Variants in BFSP1 observed in about 807,000 individuals in gnomAD.
The protein encoded by BFSP1 is filensin.
A neutral mutation model predicts 43.9 loss-of-function variants in BFSP1; 38 were observed. That is an observed-to-expected ratio of 0.87 (90% CI 0.67 to 1.14). BFSP1 has a LOEUF of 1.14. Among genes scored for constraint, BFSP1 ranks in the 50% most tolerant of loss-of-function variants. The probability of loss-of-function intolerance (pLI) is 0.00; values close to 1 mark genes in which losing one functional copy is unlikely to be tolerated. For synonymous variants in BFSP1, 352 were observed against 354.8 expected (o/e 0.99, Z 0.09); for missense variants, 850 against 875.1 (o/e 0.97, Z 0.36).
chr20:17,551,189 G>C (rs1227235803), intron 1 of BFSP1, among the ~76,000 whole-genome samples: 1 of 152,176 alleles, frequency 6.6e-6, no homozygotes, highest in Non-Finnish European at 1.5e-5. Flanking sequence ...GTTGGCTCAC[G>C]GTTCTGCAGG....
rs1166089698 is a variant in BFSP1 at position 17,498,976 on chromosome 20, T to C, written c.800A>G (p.Tyr267Cys). ...HECYDDEIQL[Y>C]NEQIETLRKE... ...GCGCAGTGTCTCAATCTGCTCGTTA[T>C]AAAGCTGAATCTCATCGTCATAACA... Residue 267 changes from tyrosine (Y) to cysteine (C), a missense_variant, in exon 6 of 8, where the codon TAT becomes TGT. Coordinates refer to ENST00000377873, the MANE Select transcript of BFSP1 (RefSeq NM_001195.5). The C allele has an allele frequency of 6.2e-7, 1 of 1,614,220 alleles. No homozygotes were observed. The highest frequency in any genetic ancestry group is 1.1e-5 in the South Asian group (1 of 91,086).
intron 1 of BFSP1, among the ~76,000 whole-genome samples, chr20:17,548,247 G>A (rs2034840739): frequency 2.0e-5 from 3 of 150,388 alleles, no homozygotes; most frequent in Admixed American, 2.0e-4. Context: ...AATAGCATGT[G>A]TATGATAATG....
At chr20:17,510,295 A>G (rs1568689701) in intron 4 of BFSP1, among the ~76,000 whole-genome samples, 1 of 152,228 alleles carries the variant, frequency 6.6e-6, no homozygotes, top group Non-Finnish European at 1.5e-5. Flanking sequence ...CTTATGACTT[A>G]GAAGGGTCTT....
intron 1 of BFSP1, among the ~76,000 whole-genome samples, chr20:17,542,842 C>G (rs776624126): frequency 1.3e-5 from 2 of 152,132 alleles, no homozygotes; most frequent in Non-Finnish European, 2.9e-5. Context: ...CTAGTTGGCT[C>G]AAGATGTTTC....
chr20:17,497,607 CGT>C (rs1287574411), intron 6 of BFSP1, among the ~76,000 whole-genome samples: 35 of 107,930 alleles, frequency 3.2e-4, no homozygotes, highest in African/African-American at 5.0e-4. Flanking sequence ...TATATATATA[CGT>C]ATATATACAT....
upstream of BFSP1, among the ~76,000 whole-genome samples, chr20:17,559,385 G>A (rs2035046078): frequency 6.6e-6 from 1 of 152,158 alleles, no homozygotes; most frequent in Admixed American, 6.5e-5. Flanking sequence ...ACTGTGCCAG[G>A]CACTCAGTAT....
intron 1 of BFSP1, among the ~76,000 whole-genome samples, chr20:17,528,104 T>C (rs1244889859): frequency 6.6e-6 from 1 of 152,180 alleles, no homozygotes; most frequent in Non-Finnish European, 1.5e-5. Flanking sequence ...AACTCACCTC[T>C]GGAATGTAAA....
chr20:17,561,184 C>A (rs1159949227), upstream of BFSP1, among the ~76,000 whole-genome samples: 4 of 152,160 alleles, frequency 2.6e-5, no homozygotes, highest in African/African-American at 9.7e-5. Flanking sequence ...GTACAACAAC[C>A]GGATCAGAAG....
chr20:17,494,670 C>T lies in BFSP1; in HGVS notation c.1402G>A (p.Glu468Lys). 1 of 1,614,186 alleles carries T rather than the reference C, an allele frequency of 6.2e-7. No homozygotes were observed. The highest frequency in any genetic ancestry group is 8.5e-7 in the Non-Finnish European group (1 of 1,180,030). ...PETPTELYTK[E>K]RHVLVTGDAN... ...TCCCCTGTGACCAGCACGTGCCGCT[C>T]TTTGGTGTAGAGCTCAGTGGGGGTC... Residue 468 changes from glutamate (E) to lysine (K), a missense_variant, in exon 8 of 8, where the codon GAG becomes AAG. Transcript: ENST00000377873.
At chr20:17,553,776 C>CATATATATATATAT (rs1204969085) in intron 1 of BFSP1, among the ~76,000 whole-genome samples, 43 of 106,166 alleles carry the variant, frequency 4.1e-4, no homozygotes, top group African/African-American at 1.0e-3. Context: ...AATATATAAA[C>CATATATATATATAT]ATATATATAT....
intron 1 of BFSP1, among the ~76,000 whole-genome samples, chr20:17,566,685 C>T (rs539226796): frequency 6.6e-5 from 10 of 152,026 alleles, no homozygotes; most frequent in South Asian, 2.1e-4. Context: ...GACACAGTCT[C>T]GCTCTGTTGC....
intron 2 of BFSP1, among the ~76,000 whole-genome samples, chr20:17,515,671 C>T (rs951840157): frequency 1.3e-5 from 2 of 152,116 alleles, no homozygotes; most frequent in African/African-American, 4.8e-5. Context: ...CCAGAAGTGA[C>T]TTATATACTT....
intron 1 of BFSP1, among the ~76,000 whole-genome samples, chr20:17,537,430 C>G (rs947561077): frequency 4.6e-5 from 7 of 152,124 alleles, no homozygotes; most frequent in African/African-American, 1.2e-4. Context: ...AAGCAAGGCT[C>G]TCTCTCCAAC....
chr20:17,522,410 G>A (rs561551511), intron 2 of BFSP1, among the ~76,000 whole-genome samples: 112 of 152,282 alleles, frequency 7.4e-4, no homozygotes, highest in African/African-American at 1.3e-3. Flanking sequence ...CCTCCCCAGC[G>A]TCCTGCATCT....
rs1252204977 is a variant in BFSP1 at position 17,525,113 on chromosome 20, G to A, written c.378-205C>T. Among the ~76,000 whole-genome samples the A allele has an allele frequency of 6.6e-6, 1 of 152,070 alleles. No homozygotes were observed. Among genetic ancestry groups the A allele is most frequent in the Non-Finnish European group, 1.5e-5 (1 of 68,006 alleles). ...AAGTGGTACCATTTGCACACCGCGTGGGGTAACCAGGGGCAGTTAGCGGAA... is the reference window on the plus strand; with the variant it reads ...AAGTGGTACCATTTGCACACCGCGTAGGGTAACCAGGGGCAGTTAGCGGAA... On this transcript the variant is annotated intron_variant, in intron 1 of 7. Transcript: ENST00000377873. This position sits in a 1 kb window ranked among gnomAD's most constrained non-coding sequence, Gnocchi z 4.2.
intron 3 of BFSP1, among the ~76,000 whole-genome samples, chr20:17,512,808 G>A (rs117170094): frequency 0.021 from 3,199 of 152,256 alleles, 54 homozygotes; most frequent in East Asian, 0.071. Flanking sequence ...TGGTCAATCA[G>A]GCCTGGACTA....
intron 5 of BFSP1, among the ~76,000 whole-genome samples, chr20:17,506,652 G>A (rs1047735723): frequency 2.0e-5 from 3 of 151,154 alleles, no homozygotes; most frequent in African/African-American, 7.3e-5. Context: ...AGCTTCCTAA[G>A]TAGCTGGAAC....
At chr20:17,501,566 C>T (rs1031686505) in intron 5 of BFSP1, among the ~76,000 whole-genome samples, 1 of 80,014 alleles carries the variant, frequency 1.2e-5, no homozygotes, top group Non-Finnish European at 2.6e-5. Flanking sequence ...TGACAGAGCA[C>T]CCCAGACTGG....
At chr20:17,557,762 G>A (rs922014647) in intron 1 of BFSP1, among the ~76,000 whole-genome samples, 1 of 152,130 alleles carries the variant, frequency 6.6e-6, no homozygotes, top group Non-Finnish European at 1.5e-5. Flanking sequence ...GTGTGTGTTG[G>A]GGGGTGATTC....
Sources: gnomAD v4.1 joint callset for allele counts (sites outside exome capture counted in the v4.1 genomes callset) on GRCh38, gnomAD v4.1.1 for gene constraint, Gnocchi (gnomAD v3.1) non-coding constraint, MANE v1.5 for transcripts, NCBI Gene and HGNC (gene_info 2026-07-23, HGNC 2026-07-21) for gene names.